ACER3: variants seen among roughly 807,000 people sequenced by gnomAD.
The protein encoded by ACER3 is alkaline ceramidase 3.
Under a neutral mutation model 48.9 loss-of-function variants are expected in ACER3, and 16 were observed. The ratio of observed to expected loss-of-function variants is 0.33; its 90% CI spans 0.22 to 0.50. The LOEUF is 0.50. Among genes scored for constraint, ACER3 ranks in the 20% least tolerant of loss-of-function variants. ACER3 has a pLI of 0.98. For synonymous variants in ACER3, 109 were observed against 107.8 expected, an observed-to-expected ratio of 1.01 and a Z score of -0.07; for missense variants, 227 against 326.0, an observed-to-expected ratio of 0.70 and a Z score of 2.34.
intron 6 of ACER3, among the ~76,000 whole-genome samples, chr11:76,995,346 C>A (rs1948890223): frequency 6.6e-6 from 1 of 152,162 alleles, no homozygotes; most frequent in Non-Finnish European, 1.5e-5. Context: ...TCATTCAGGT[C>A]TCTGCTTAAA....
chr11:76,999,705 T>C (rs574752633), intron 7 of ACER3, among the ~76,000 whole-genome samples: 1 of 152,282 alleles, frequency 6.6e-6, no homozygotes, highest in African/African-American at 2.4e-5. Flanking sequence ...TTCAAGAATG[T>C]TATATAAATG....
At chr11:76,900,173 A>C (rs898735927) in intron 1 of ACER3, among the ~76,000 whole-genome samples, 1 of 152,138 alleles carries the variant, frequency 6.6e-6, no homozygotes, top group Non-Finnish European at 1.5e-5. Context: ...TAAGAAAATC[A>C]TAAGGAAGAG....
Position 76,872,913 on chromosome 11 carries a change from T to C in ACER3, c.103+11834T>C, listed in dbSNP as rs55729922. On this transcript the variant is annotated intron_variant, in intron 1 of 10. Transcript: ENST00000532485. ...TTCTTTCTTTCTTTTTTCTTTTTCT[T>C]TTTTTTTTTTTTTTTTGAGACAGGG... 1.7e-3 allele frequency among the ~76,000 whole-genome samples: 234 copies of C among 135,444 alleles called. 3 individuals are homozygous for C. The highest frequency in any genetic ancestry group is 5.9e-3 in the African/African-American group (206 of 35,008). The allele number at this position is 135,444 out of a possible 152,430, so 88.9% of individuals were successfully genotyped here. A position where few individuals can be genotyped will look rare whatever the true frequency, so the allele number is the denominator to read the frequency against.
chr11:76,965,852 A>G lies in ACER3; in HGVS notation c.267+6821A>G, dbSNP rs549259497. Among the ~76,000 whole-genome samples the G allele has an allele frequency of 8.3e-4, 125 of 151,462 alleles. 10 individuals are homozygous for G. The highest frequency in any genetic ancestry group is 2.9e-3 in the African/African-American group (117 of 40,718). The stretch of plus-strand genomic sequence containing the variant: ...ACAACCGGTACCAGCCACTGCAAAA[A>G]CATGCCAAATTGTAAAGACCATCAA... On this transcript the variant is annotated intron_variant, in intron 3 of 10. Coordinates refer to ENST00000532485, the MANE Select transcript of ACER3 (RefSeq NM_018367.7).
intron 1 of ACER3, among the ~76,000 whole-genome samples, chr11:76,863,298 C>T (rs924551771): frequency 6.6e-6 from 1 of 152,142 alleles, no homozygotes; most frequent in Non-Finnish European, 1.5e-5. Flanking sequence ...GAGCAAGATA[C>T]TGTGTTCTGG....
intron 5 of ACER3, among the ~76,000 whole-genome samples, chr11:76,989,280 G>A (rs1948749564): frequency 6.6e-6 from 1 of 150,586 alleles, no homozygotes. Flanking sequence ...TGTACTGAGG[G>A]TAGAAACTTC....
intron 1 of ACER3, among the ~76,000 whole-genome samples, chr11:76,870,422 C>T (rs1565151119): frequency 6.6e-6 from 1 of 152,132 alleles, no homozygotes; most frequent in Non-Finnish European, 1.5e-5. Flanking sequence ...GTGTGAGCCA[C>T]CATGCTCGGG....
chr11:76,992,141 G>A (rs1045063755), intron 6 of ACER3, among the ~76,000 whole-genome samples: 11 of 152,098 alleles, frequency 7.2e-5, no homozygotes, highest in Admixed American at 7.2e-4. Flanking sequence ...GAGCCCAGGA[G>A]GATCCCTTGA....
chr11:77,019,801 G>T, intron 10 of ACER3, 25 bp downstream of exon 10: 4 of 1,610,356 alleles, frequency 2.5e-6, no homozygotes, highest in Non-Finnish European at 3.4e-6. Flanking sequence ...TAGGTCCTGT[G>T]TGTGTGTTGG....
At chr11:77,006,601 T>C (rs1190795114) in intron 7 of ACER3, among the ~76,000 whole-genome samples, 2 of 152,146 alleles carry the variant, frequency 1.3e-5, no homozygotes, top group Non-Finnish European at 2.9e-5. Flanking sequence ...ATATTTACTA[T>C]ATATAAAATT....
chr11:77,020,831 G>A lies in ACER3; in HGVS notation c.*504G>A. The stretch of plus-strand genomic sequence containing the variant: ...ATTAATCTCATGGATGGTTCTCAAA[G>A]GTAAAAAAAGAGAGAGAAAGAGAGA... On this transcript the variant is annotated 3_prime_UTR_variant, in exon 11 of 11. Coordinates refer to ENST00000532485, the MANE Select transcript of ACER3 (RefSeq NM_018367.7). 1 of 153,992 alleles carries A rather than the reference G, an allele frequency of 6.5e-6. No homozygotes were observed. The highest frequency in any genetic ancestry group is 1.4e-5 in the Non-Finnish European group (1 of 69,116). 9.5% of individuals were successfully genotyped at this position (153,992 alleles called of 1,614,324 possible). A position where few individuals can be genotyped will look rare whatever the true frequency, so the allele number is the denominator to read the frequency against.
chr11:76,898,042 T>C (rs1452639142), intron 1 of ACER3, among the ~76,000 whole-genome samples: 3 of 149,630 alleles, frequency 2.0e-5, no homozygotes, highest in Non-Finnish European at 3.0e-5. Flanking sequence ...TGAAGCTGAC[T>C]TTTTTTTTTA....
chr11:76,895,265 T>C (rs6592680), intron 1 of ACER3, among the ~76,000 whole-genome samples: 103,900 of 151,962 alleles, frequency 0.68, 35,921 homozygotes, highest in Non-Finnish European at 0.74. Flanking sequence ...TGATATCTCT[T>C]CTATATCTCA....
In ACER3 at chr11:76,996,564, C is replaced by T. The variant is rs564661901; in HGVS notation, c.439-2199C>T. Among the ~76,000 whole-genome samples the T allele has an allele frequency of 2.0e-5, 3 of 151,116 alleles. No homozygotes were observed. The South Asian group carries it at 6.3e-4, about 32-fold the overall frequency. On this transcript the variant is annotated intron_variant, in intron 6 of 10. Coordinates refer to ENST00000532485, the MANE Select transcript of ACER3 (RefSeq NM_018367.7). ...CTCTAAGTAGCTGGGATTACTGGCACCCACCACCACACTCAGCTAATTTTT... is the reference window on the plus strand; with the variant it reads ...CTCTAAGTAGCTGGGATTACTGGCATCCACCACCACACTCAGCTAATTTTT...
intron 6 of ACER3, among the ~76,000 whole-genome samples, chr11:76,997,852 C>T (rs985586086): frequency 1.3e-5 from 2 of 152,002 alleles, no homozygotes; most frequent in African/African-American, 4.8e-5. Context: ...ATAAGAATAA[C>T]AAAATAAAAC....
At chr11:76,927,014 T>C (rs909854432) in intron 2 of ACER3, among the ~76,000 whole-genome samples, 2 of 152,156 alleles carry the variant, frequency 1.3e-5, no homozygotes, top group South Asian at 4.1e-4. Flanking sequence ...TTAAAACTCC[T>C]TTGTATTCCT....
intron 2 of ACER3, among the ~76,000 whole-genome samples, chr11:76,947,361 A>G (rs553432625): frequency 1.3e-5 from 2 of 152,216 alleles, no homozygotes; most frequent in African/African-American, 2.4e-5. Flanking sequence ...GAAAAGGCCC[A>G]TTGGAAATTC....
intron 2 of ACER3, among the ~76,000 whole-genome samples, chr11:76,949,142 A>C (rs1947565665): frequency 6.6e-6 from 1 of 152,218 alleles, no homozygotes; most frequent in Admixed American, 6.5e-5. Context: ...GTTTGCCAAG[A>C]TATCTGAATC....
intron 1 of ACER3, among the ~76,000 whole-genome samples, chr11:76,902,417 T>C (rs964794700): frequency 2.6e-5 from 4 of 152,218 alleles, no homozygotes; most frequent in African/African-American, 9.6e-5. Flanking sequence ...TCACAAAAAG[T>C]GCAAAGTTTT....
Sources: gnomAD v4.1 joint callset for allele counts (sites outside exome capture counted in the v4.1 genomes callset) on GRCh38, gnomAD v4.1.1 for gene constraint, MANE v1.5 for transcripts, NCBI Gene and HGNC (gene_info 2026-07-23, HGNC 2026-07-21) for gene names.